Variants in COL10A1 observed in about 807,000 individuals in gnomAD.
The protein encoded by COL10A1 is collagen alpha-1(X) chain.
COL10A1 carries 10 observed loss-of-function variants against 18.2 expected under a neutral mutation model. The ratio of observed to expected loss-of-function variants is 0.55; its 90% CI spans 0.34 to 0.93. The LOEUF is 0.93. COL10A1 is among the 40% of genes least tolerant of loss of function. The pLI, the probability that COL10A1 is intolerant of heterozygous loss-of-function variation, is 0.02. For missense variants in COL10A1, 897 were observed against 853.5 expected (o/e 1.05, Z -0.64); for synonymous variants, 330 against 316.6 (o/e 1.04, Z -0.45).
rs112844744 is a variant in COL10A1 at position 116,139,745 on chromosome 6, G to C, written c.-15-14238C>G. ...GTCATGGGAGTAAGGAGAGAAATAG[G>C]AATTTGACAGTTTTTTGCTTAAAAG... On this transcript the variant is annotated intron_variant, in intron 1 of 1. Transcript: ENST00000418500. Among the ~76,000 whole-genome samples, 67 of 152,156 alleles carry C rather than the reference G, an allele frequency of 4.4e-4. 1 individual carries two copies. The highest frequency in any genetic ancestry group is 1.6e-3 in the African/African-American group (66 of 41,490).
upstream of COL10A1, among the ~76,000 whole-genome samples, chr6:116,163,097 A>G (rs1413127136): frequency 7.2e-6 from 1 of 138,288 alleles, no homozygotes; most frequent in Non-Finnish European, 1.5e-5. Flanking sequence ...ACTGCACTCC[A>G]GCCTGGGAGA....
the COL10A1 span, among the ~76,000 whole-genome samples, chr6:116,201,538 A>G: frequency 1.3e-5 from 2 of 152,156 alleles, no homozygotes; most frequent in South Asian, 2.1e-4. Flanking sequence ...TGAGAACTTC[A>G]GTGAGGTGAG....
the COL10A1 span, among the ~76,000 whole-genome samples, chr6:116,178,072 TGTGTGTGTGTGTGTGTGC>T: frequency 3.6e-5 from 4 of 110,232 alleles, no homozygotes; most frequent in Middle Eastern, 5.0e-3. Flanking sequence ...TGTGTGTGTG[TGTGTGTGTGTGTGTGTGC>T]GCGCGCGCGC....
intron 1 of COL10A1, among the ~76,000 whole-genome samples, chr6:116,143,674 A>G (rs1395691483): frequency 1.3e-5 from 2 of 152,194 alleles, no homozygotes; most frequent in East Asian, 1.9e-4. Context: ...ATTTTGTTGC[A>G]TTACTTTTTT....
At chr6:116,209,430 A>G in the COL10A1 span, among the ~76,000 whole-genome samples, 1 of 152,048 alleles carries the variant, frequency 6.6e-6, no homozygotes, top group Admixed American at 6.6e-5. Context: ...GAGTATAAAC[A>G]TGAATGTTAA....
the COL10A1 span, among the ~76,000 whole-genome samples, chr6:116,212,835 G>C: frequency 6.6e-6 from 1 of 152,048 alleles, no homozygotes; most frequent in Non-Finnish European, 1.5e-5. Flanking sequence ...TGTAGAATTT[G>C]CTTTAAATAC....
intron 2 of COL10A1, 42 bp from the exon 3 acceptor site, chr6:116,122,003 G>C (rs773249195): frequency 1.3e-6 from 2 of 1,534,842 alleles, no homozygotes; most frequent in Non-Finnish European, 1.8e-6. Flanking sequence ...GAAGGGGATG[G>C]TTAGTGACAT....
At chr6:116,195,765 C>G in the COL10A1 span, among the ~76,000 whole-genome samples, 3 of 152,096 alleles carry the variant, frequency 2.0e-5, no homozygotes, top group Admixed American at 2.0e-4. Flanking sequence ...ACAATAGCAA[C>G]TAGTAGCAAT....
intron 1 of COL10A1, among the ~76,000 whole-genome samples, chr6:116,151,528 T>G (rs181723525): frequency 3.3e-5 from 5 of 152,352 alleles, no homozygotes. Flanking sequence ...TTGTTTAAAT[T>G]CGTTAATATA....
intron 1 of COL10A1, among the ~76,000 whole-genome samples, chr6:116,155,801 T>G (rs1322781232): frequency 1.3e-5 from 2 of 149,566 alleles, no homozygotes; most frequent in African/African-American, 4.9e-5. Flanking sequence ...TGTACTGAAA[T>G]GGAAACATTT....
upstream of COL10A1, among the ~76,000 whole-genome samples, chr6:116,129,993 A>T (rs1191347115): frequency 6.6e-6 from 1 of 152,126 alleles, no homozygotes; most frequent in Non-Finnish European, 1.5e-5. Flanking sequence ...GGTATGATAT[A>T]CTTCTGTTAG....
chr6:116,199,984 G>C, the COL10A1 span, among the ~76,000 whole-genome samples: 1 of 120,924 alleles, frequency 8.3e-6, no homozygotes, highest in Non-Finnish European at 1.7e-5. Flanking sequence ...CTTACAAAGA[G>C]TACAGTATGG....
chr6:116,203,999 T>A, the COL10A1 span, among the ~76,000 whole-genome samples: 2 of 151,810 alleles, frequency 1.3e-5, no homozygotes, highest in African/African-American at 4.8e-5. Context: ...ATATACCTAT[T>A]CCCAGCTCTC....
the COL10A1 span, among the ~76,000 whole-genome samples, chr6:116,171,246 T>C: frequency 6.6e-6 from 1 of 152,354 alleles, no homozygotes; most frequent in African/African-American, 2.4e-5. Flanking sequence ...ACTTATTTTT[T>C]AATTGCCAAG....
chr6:116,129,797 C>T (rs1779417729), upstream of COL10A1, among the ~76,000 whole-genome samples: 2 of 152,158 alleles, frequency 1.3e-5, no homozygotes, highest in African/African-American at 2.4e-5. Context: ...TGTTGAAAAG[C>T]CGTGTCATCT....
chr6:116,177,408 CTAAA>C, the COL10A1 span, among the ~76,000 whole-genome samples: 1 of 152,130 alleles, frequency 6.6e-6, no homozygotes, highest in Non-Finnish European at 1.5e-5. Context: ...ACTCACCACT[CTAAA>C]TATTAGAAAT....
chr6:116,184,441 T>C, the COL10A1 span, among the ~76,000 whole-genome samples: 23 of 151,938 alleles, frequency 1.5e-4, no homozygotes, highest in African/African-American at 4.8e-4. Flanking sequence ...ATTCCATCTT[T>C]TGAAATAGTG....
chr6:116,142,000 C>G (rs968382699), intron 1 of COL10A1, among the ~76,000 whole-genome samples: 2 of 151,220 alleles, frequency 1.3e-5, no homozygotes, highest in Non-Finnish European at 2.9e-5. Flanking sequence ...GACAAAGTTA[C>G]TTAGATGAAA....
the COL10A1 span, among the ~76,000 whole-genome samples, chr6:116,207,280 C>T: frequency 7.0e-6 from 1 of 142,844 alleles, no homozygotes; most frequent in Admixed American, 7.0e-5. Flanking sequence ...TCTGTACCTG[C>T]ATTTCCTTTT....
Sources: gnomAD v4.1 joint callset for allele counts (sites outside exome capture counted in the v4.1 genomes callset) on GRCh38, gnomAD v4.1.1 for gene constraint, MANE v1.5 for transcripts, NCBI Gene and HGNC (gene_info 2026-07-23, HGNC 2026-07-21) for gene names.